Variants in LYPD6B observed in about 807,000 individuals in gnomAD.
LYPD6B encodes the protein ly6/PLAUR domain-containing protein 6B.
Under a neutral mutation model 22.8 loss-of-function variants are expected in LYPD6B, and 17 were observed. The observed-to-expected ratio is 0.75, with a 90% CI of 0.51 to 1.12. The LOEUF (loss-of-function observed/expected upper bound fraction) is 1.12. Among genes scored for constraint, LYPD6B ranks in the 50% most tolerant of loss-of-function variants. The pLI is 0.00. For synonymous variants in LYPD6B, 106 were observed against 91.6 expected (o/e 1.16, Z -0.90); for missense variants, 221 against 258.3 (o/e 0.86, Z 0.99).
At chr2:149,205,052 A>G (rs1693419375) in intron 3 of LYPD6B, 1 of 542,104 alleles carries the variant, frequency 1.8e-6, no homozygotes, top group Non-Finnish European at 3.2e-6. Flanking sequence ...TGGCTAGTGC[A>G]GAGGCCTGAC....
intron 1 of LYPD6B, among the ~76,000 whole-genome samples, chr2:149,123,107 G>T (rs1687476600): frequency 6.6e-6 from 1 of 152,200 alleles, no homozygotes; most frequent in African/African-American, 2.4e-5. Context: ...AGGGAAGGTG[G>T]CAGGAGGATT....
chr2:149,185,321 A>G (rs1319564744), intron 3 of LYPD6B, among the ~76,000 whole-genome samples: 36 of 152,120 alleles, frequency 2.4e-4, no homozygotes, highest in Admixed American at 2.3e-3. Flanking sequence ...CTGACACACC[A>G]CCCACCGGTA....
chr2:149,077,488 T>A (rs988593574), intron 1 of LYPD6B: 2 of 152,210 alleles, frequency 1.3e-5, no homozygotes, highest in Non-Finnish European at 2.9e-5. Flanking sequence ...TAACTATAAC[T>A]ATGGTTTAAT....
At chr2:149,125,402 C>T (rs1687642223) in intron 1 of LYPD6B, among the ~76,000 whole-genome samples, 1 of 152,194 alleles carries the variant, frequency 6.6e-6, no homozygotes, top group African/African-American at 2.4e-5. Context: ...GCCCCTCTTC[C>T]ACCCAGGGAA....
chr2:149,201,628 T>C (rs1011870420), intron 3 of LYPD6B, among the ~76,000 whole-genome samples: 7 of 152,170 alleles, frequency 4.6e-5, no homozygotes, highest in African/African-American at 1.7e-4. Flanking sequence ...TAGATATAGG[T>C]GCTCAGGAAG....
At chr2:149,201,669 TG>T (rs1312834765) in intron 3 of LYPD6B, among the ~76,000 whole-genome samples, 4 of 152,340 alleles carry the variant, frequency 2.6e-5, no homozygotes, top group Admixed American at 2.6e-4. Context: ...TTAGAAAACA[TG>T]CTCTGGAAAT....
At chr2:149,039,729 TC>T (rs1409028554) in intron 1 of LYPD6B, among the ~76,000 whole-genome samples, 5 of 152,160 alleles carry the variant, frequency 3.3e-5, no homozygotes, top group African/African-American at 1.2e-4. Flanking sequence ...GGGCATTCTT[TC>T]CCACCCTGAC....
chr2:149,197,394 C>T (rs1286679145), intron 3 of LYPD6B, among the ~76,000 whole-genome samples: 1 of 152,178 alleles, frequency 6.6e-6, no homozygotes, highest in Non-Finnish European at 1.5e-5. Context: ...CGCCTATAGT[C>T]CCAGCTACTC....
At chr2:149,060,018 G>A (rs1483747639) in intron 1 of LYPD6B, among the ~76,000 whole-genome samples, 2 of 152,050 alleles carry the variant, frequency 1.3e-5, no homozygotes, top group African/African-American at 4.8e-5. Context: ...GAGGGGTAGG[G>A]AGGGAGAAGG....
rs76987908 is a variant in LYPD6B at position 149,122,097 on chromosome 2, G to C, written c.-66-8786G>C. On this transcript the variant is annotated intron_variant, in intron 1 of 6. Transcript: ENST00000409642. ...ACCCATTTAGTGGAATCTCAAGCAT[G>C]GTTCATATTTCACACCCCTCTGGAC... Among the ~76,000 whole-genome samples the C allele has an allele frequency of 6.5e-3, 989 of 152,254 alleles. 9 individuals are homozygous for C. Among genetic ancestry groups the C allele is most frequent in the African/African-American group, 0.023 (946 of 41,532 alleles).
intron 1 of LYPD6B, among the ~76,000 whole-genome samples, chr2:149,043,179 T>C (rs1469719337): frequency 6.6e-6 from 1 of 152,158 alleles, no homozygotes; most frequent in Non-Finnish European, 1.5e-5. Context: ...AAAATAAATT[T>C]TGATGCCTCA....
intron 2 of LYPD6B, among the ~76,000 whole-genome samples, chr2:149,139,285 G>C (rs1025462558): frequency 2.6e-5 from 4 of 152,124 alleles, no homozygotes; most frequent in African/African-American, 9.7e-5. Context: ...AATAGAAAGG[G>C]GGCAGCTCAT....
intron 1 of LYPD6B, among the ~76,000 whole-genome samples, chr2:149,071,757 G>C (rs1227228460): frequency 6.6e-6 from 1 of 152,136 alleles, no homozygotes; most frequent in East Asian, 1.9e-4. Context: ...ATGTCATTTG[G>C]AGAAAGAGAA....
intron 2 of LYPD6B, among the ~76,000 whole-genome samples, chr2:149,149,640 C>T (rs115745974): frequency 0.017 from 2,583 of 152,334 alleles, 79 homozygotes; most frequent in African/African-American, 0.059. Flanking sequence ...TCACATGCAC[C>T]ATAACGTGTG....
chr2:149,098,599 C>A (rs1388955193), intron 1 of LYPD6B, among the ~76,000 whole-genome samples: 2 of 135,894 alleles, frequency 1.5e-5, no homozygotes, highest in Non-Finnish European at 3.1e-5. Context: ...TGAACTCCAG[C>A]CTGGGTGACA....
At chr2:149,112,276 G>C (rs1014053674) in intron 1 of LYPD6B, among the ~76,000 whole-genome samples, 1 of 152,142 alleles carries the variant, frequency 6.6e-6, no homozygotes, top group Non-Finnish European at 1.5e-5. Flanking sequence ...GGTATGGAGA[G>C]GATAGAGGAA....
intron 3 of LYPD6B, among the ~76,000 whole-genome samples, chr2:149,184,617 TTGTTAGAA>T (rs1386992790): frequency 1.3e-5 from 2 of 152,230 alleles, no homozygotes; most frequent in African/African-American, 4.8e-5. Flanking sequence ...CAAATAAAGC[TTGTTAGAA>T]TGTTGATTGT....
At chr2:149,040,729 T>G (rs1030928566) in intron 1 of LYPD6B, among the ~76,000 whole-genome samples, 21 of 152,334 alleles carry the variant, frequency 1.4e-4, no homozygotes, top group Non-Finnish European at 1.8e-4. Context: ...TTACTATCTC[T>G]GTCTTTGCTC....
At chr2:149,069,175 G>C (rs1266253272) in intron 1 of LYPD6B, among the ~76,000 whole-genome samples, 1 of 146,036 alleles carries the variant, frequency 6.8e-6, no homozygotes, top group Non-Finnish European at 1.5e-5. Flanking sequence ...TTGTGGGTGG[G>C]CTGGTGGGGG....
Sources: allele counts gnomAD v4.1 joint callset (sites outside exome capture counted in the v4.1 genomes callset), GRCh38; gene constraint gnomAD v4.1.1; transcripts MANE v1.5; gene names NCBI Gene and HGNC (gene_info 2026-07-23, HGNC 2026-07-21).